ZBTB2: variants seen among roughly 807,000 people sequenced by gnomAD.
ZBTB2 encodes zinc finger and BTB domain-containing protein 2.
Under a neutral mutation model 39.5 loss-of-function variants are expected in ZBTB2, and 2 were observed. The observed-to-expected ratio is 0.05, with a 90% CI of 0.02 to 0.16. ZBTB2 has a LOEUF of 0.16. Ranked by LOEUF, ZBTB2 falls within the 10% of genes least tolerant of loss-of-function variation. The probability of loss-of-function intolerance (pLI) is 1.00; values close to 1 mark genes in which losing one functional copy is unlikely to be tolerated. For missense variants in ZBTB2, 391 were observed against 653.0 expected (o/e 0.60, Z 4.37); for synonymous variants, 251 against 256.6 (o/e 0.98, Z 0.21).
At position 151,368,475 on chromosome 6, in the gene ZBTB2, A is replaced by C. The variant is rs773018288; in HGVS notation, c.174-1583T>G. On this transcript the variant is annotated intron_variant, in intron 2 of 2. Coordinates refer to ENST00000325144, the MANE Select transcript of ZBTB2 (RefSeq NM_020861.3). ...CTTTGTTGTTTTTTGTTTTGTTTTG[A>C]GACAGAGTCTCACTCTGTCACCAGG... Among the ~76,000 whole-genome samples, 37 of 146,818 alleles carry C rather than the reference A, an allele frequency of 2.5e-4. 1 individual carries two copies. Among genetic ancestry groups the C allele is most frequent in the Admixed American group, 4.1e-4 (6 of 14,562 alleles).
intron 2 of ZBTB2, among the ~76,000 whole-genome samples, 185 bp from the exon 3 acceptor site, chr6:151,367,077 A>C (rs1032203338): frequency 1.3e-5 from 2 of 152,156 alleles, no homozygotes; most frequent in African/African-American, 4.8e-5. Flanking sequence ...GAAATGTGAT[A>C]TCTTAATCCA....
chr6:151,373,080 G>A (rs1226954565), intron 2 of ZBTB2, among the ~76,000 whole-genome samples: 4 of 146,944 alleles, frequency 2.7e-5, no homozygotes, highest in African/African-American at 7.6e-5. Flanking sequence ...GCGTGAACCC[G>A]GGAGGCGGAG....
intron 1 of ZBTB2, among the ~76,000 whole-genome samples, chr6:151,374,792 G>A (rs1275515096): frequency 3.1e-5 from 4 of 130,266 alleles, no homozygotes; most frequent in African/African-American, 1.0e-4. Context: ...AAAGTCCCAA[G>A]GCATCTATTA....
intron 1 of ZBTB2, among the ~76,000 whole-genome samples, chr6:151,390,159 C>G (rs543918936): frequency 7.8e-4 from 118 of 152,096 alleles, no homozygotes; most frequent in African/African-American, 2.8e-3. Context: ...TCAACACGCT[C>G]CGTACCCGGG....
chr6:151,388,472 T>C lies in ZBTB2; in HGVS notation c.-13+2948A>G, dbSNP rs374149401. On this transcript the variant is annotated intron_variant, in intron 1 of 2. Coordinates refer to ENST00000325144, the MANE Select transcript of ZBTB2 (RefSeq NM_020861.3). ...AAGCACATCCACTTACTCATGGGCA[T>C]GCTGTGGGTACTTGAAATCACAGGA... 2.3e-4 allele frequency among the ~76,000 whole-genome samples: 35 copies of C among 152,348 alleles called. No homozygotes were observed. In the South Asian group the frequency reaches 3.5e-3, roughly 15 times the overall value.
At chr6:151,372,801 T>C (rs1455926047) in intron 2 of ZBTB2, among the ~76,000 whole-genome samples, 3 of 151,996 alleles carry the variant, frequency 2.0e-5, no homozygotes, top group Admixed American at 2.0e-4. Context: ...GCTTAGATAA[T>C]GAGTCCAGGA....
chr6:151,387,069 C>T (rs1199880711), intron 1 of ZBTB2, among the ~76,000 whole-genome samples: 1 of 152,174 alleles, frequency 6.6e-6, no homozygotes, highest in African/African-American at 2.4e-5. Flanking sequence ...CAGCCTCACC[C>T]ACCTATGTAG....
chr6:151,370,306 T>C (rs1205331034), intron 2 of ZBTB2, among the ~76,000 whole-genome samples: 1 of 152,182 alleles, frequency 6.6e-6, no homozygotes, highest in Non-Finnish European at 1.5e-5. Context: ...CGGCTAATTT[T>C]TCTATTTTTA....
intron 1 of ZBTB2, among the ~76,000 whole-genome samples, chr6:151,380,760 G>A (rs1179246575): frequency 6.6e-6 from 1 of 152,058 alleles, no homozygotes; most frequent in Non-Finnish European, 1.5e-5. Flanking sequence ...CCCCATCCAG[G>A]GGTTCCACTT....
chr6:151,366,802 C>T lies in ZBTB2; in HGVS notation c.264G>A (p.Gln88=). 1.2e-6 allele frequency: 2 copies of T among 1,614,100 alleles called. No individual in the cohort carries two copies. Among genetic ancestry groups the T allele is most frequent in the Non-Finnish European group, 1.7e-6 (2 of 1,180,028 alleles). ...GTTCTAATCGAACCGGGTCGATGAG[C>T]TGAGGCGCCATCTTCCCAGTGTACA... ...HLMYTGKMAP[Q]LIDPVRLEQG... The change falls in exon 3 of 3, where the codon CAG becomes CAA. Residue 88 remains glutamine (Q), a synonymous_variant. Transcript: ENST00000325144. The surrounding 1 kb of genome is among the most constrained non-coding windows in gnomAD (Gnocchi z 7.1).
At chr6:151,390,167 G>C (rs2114888117) in intron 1 of ZBTB2, among the ~76,000 whole-genome samples, 1 of 152,080 alleles carries the variant, frequency 6.6e-6, no homozygotes, top group Middle Eastern at 3.4e-3. Flanking sequence ...CTCCGTACCC[G>C]GGACTGGGGC....
intron 2 of ZBTB2, chr6:151,370,110 A>C (rs1388700646): frequency 1.0e-6 from 1 of 976,068 alleles, no homozygotes; most frequent in Non-Finnish European, 1.2e-6. Context: ...CTTACATCTA[A>C]GTAGTTTCCA....
intron 1 of ZBTB2, 79 bp from the exon 2 acceptor site, chr6:151,373,728 A>G: frequency 7.4e-7 from 1 of 1,343,106 alleles, no homozygotes; most frequent in Non-Finnish European, 1.0e-6. Context: ...AACAGTCATG[A>G]TCATAGCTAA....
intron 1 of ZBTB2, among the ~76,000 whole-genome samples, chr6:151,390,436 CCGCGTGCGCG>C (rs969857500): frequency 2.0e-5 from 3 of 150,050 alleles, no homozygotes; most frequent in African/African-American, 7.3e-5. Flanking sequence ...TCCCTCAGTC[CCGCGTGCGCG>C]CGCGCGCTCG....
chr6:151,389,710 G>A (rs1562772909), intron 1 of ZBTB2, among the ~76,000 whole-genome samples: 1 of 152,146 alleles, frequency 6.6e-6, no homozygotes, highest in Non-Finnish European at 1.5e-5. Flanking sequence ...GCTGGGGGAG[G>A]CGGGGAGCGA....
chr6:151,391,024 ACCCT>A (rs1202484191), intron 1 of ZBTB2, among the ~76,000 whole-genome samples: 1 of 14,234 alleles, frequency 7.0e-5, no homozygotes, highest in African/African-American at 2.6e-4. Context: ...CCTCCCTCCC[ACCCT>A]CCCTCCGATC....
At chr6:151,388,646 C>T (rs1474284266) in intron 1 of ZBTB2, among the ~76,000 whole-genome samples, 1 of 152,134 alleles carries the variant, frequency 6.6e-6, no homozygotes, top group Non-Finnish European at 1.5e-5. Context: ...GGATTATAGG[C>T]GTGAGCCACT....
chr6:151,375,193 C>T (rs1778882464), intron 1 of ZBTB2, among the ~76,000 whole-genome samples: 1 of 150,904 alleles, frequency 6.6e-6, no homozygotes. Context: ...CATAAACATA[C>T]AAAAAAAAAT....
At chr6:151,370,310 AT>A (rs1187621344) in intron 2 of ZBTB2, among the ~76,000 whole-genome samples, 1 of 151,996 alleles carries the variant, frequency 6.6e-6, no homozygotes, top group Admixed American at 6.6e-5. Context: ...TAATTTTTCT[AT>A]TTTTAGTAGA....
Sources: gnomAD v4.1 joint callset for allele counts (sites outside exome capture counted in the v4.1 genomes callset) on GRCh38, gnomAD v4.1.1 for gene constraint, Gnocchi (gnomAD v3.1) non-coding constraint, MANE v1.5 for transcripts, NCBI Gene and HGNC (gene_info 2026-07-23, HGNC 2026-07-21) for gene names.